The following CRHR1 variants were observed in gnomAD, a reference collection of about 807,000 sequenced individuals.
CRHR1 encodes corticotropin releasing hormone receptor 1.
In CRHR1, 28 loss-of-function variants were observed where a neutral mutation model predicts 56.0. The ratio of observed to expected loss-of-function variants is 0.50; its 90% confidence interval spans 0.37 to 0.69. The LOEUF (loss-of-function observed/expected upper bound fraction) is 0.69, where lower values mean the gene tolerates loss of function less well. CRHR1 is among the 30% of genes least tolerant of loss of function. CRHR1 has a pLI of 0.00. For synonymous variants in CRHR1, 195 were observed against 216.5 expected (o/e 0.90, Z 0.87); for missense variants, 376 against 548.0 (o/e 0.69, Z 3.13).
intron 1 of CRHR1, among the ~76,000 whole-genome samples, chr17:45,798,779 G>T (rs541778515): frequency 6.6e-6 from 1 of 152,186 alleles, no homozygotes; most frequent in African/African-American, 2.4e-5. Context: ...CGGGGCCCCA[G>T]GGAGAAAGGC....
At chr17:45,826,042 G>GCCA (rs902790195) in intron 4 of CRHR1, 1 of 152,366 alleles carries the variant, frequency 6.6e-6, no homozygotes, top group Admixed American at 6.5e-5. Context: ...ACCACGCTGT[G>GCCA]CCACCCTCCT....
chr17:45,802,926 T>C (rs2061650760), intron 1 of CRHR1, among the ~76,000 whole-genome samples: 1 of 152,244 alleles, frequency 6.6e-6, no homozygotes, highest in Non-Finnish European at 1.5e-5. Flanking sequence ...CTAAGTGCTT[T>C]GTGCCGAGGT....
intron 2 of CRHR1, among the ~76,000 whole-genome samples, chr17:45,808,319 T>C (rs1172454345): frequency 1.3e-5 from 2 of 152,220 alleles, no homozygotes; most frequent in Admixed American, 6.5e-5. Flanking sequence ...GGTAGCTGCT[T>C]CCTGGCCAGC....
chr17:45,794,148 G>A (rs755522693), intron 1 of CRHR1, among the ~76,000 whole-genome samples: 12 of 152,224 alleles, frequency 7.9e-5, no homozygotes, highest in Non-Finnish European at 1.3e-4. Context: ...CTGGCGTGTG[G>A]TCCTGCTGTG....
chr17:45,794,968 C>G (rs983410761), intron 1 of CRHR1, among the ~76,000 whole-genome samples: 6 of 152,198 alleles, frequency 3.9e-5, no homozygotes, highest in African/African-American at 4.8e-5. Flanking sequence ...TGTTCAAGCT[C>G]TTTCTGGGCT....
intron 2 of CRHR1, among the ~76,000 whole-genome samples, chr17:45,815,710 G>A (rs1419268173): frequency 6.6e-6 from 1 of 152,222 alleles, no homozygotes; most frequent in Non-Finnish European, 1.5e-5. Context: ...CCCAGAGAGG[G>A]CAAGTGACTT....
At chr17:45,823,067 C>T (rs2062078068) in intron 4 of CRHR1, among the ~76,000 whole-genome samples, 1 of 150,848 alleles carries the variant, frequency 6.6e-6, no homozygotes, top group Admixed American at 6.6e-5. Context: ...TCACTTGAAC[C>T]AGGGAGGCGG....
chr17:45,789,069 G>C (rs1173639609), intron 1 of CRHR1, among the ~76,000 whole-genome samples: 1 of 152,206 alleles, frequency 6.6e-6, no homozygotes, highest in Non-Finnish European at 1.5e-5. Flanking sequence ...AGAATCCCTT[G>C]AGGGTAGAGC....
chr17:45,833,402 G>A (rs762448604), intron 9 of CRHR1, 50 bp from the exon 10 acceptor site: 1 of 1,590,808 alleles, frequency 6.3e-7, no homozygotes, highest in East Asian at 2.2e-5. Context: ...GAGAAGCCTG[G>A]GTCCCAAGCC....
chr17:45,814,254 A>G (rs1163905153), intron 2 of CRHR1, among the ~76,000 whole-genome samples: 1 of 152,236 alleles, frequency 6.6e-6, no homozygotes, highest in Non-Finnish European at 1.5e-5. Flanking sequence ...TGAGGAAGGT[A>G]CAATGGTGCC....
chr17:45,818,053 C>T (rs2061964682), intron 3 of CRHR1, among the ~76,000 whole-genome samples: 1 of 152,178 alleles, frequency 6.6e-6, no homozygotes, highest in Non-Finnish European at 1.5e-5. Context: ...AGGAAGGAGG[C>T]AGCATCTGCA....
chr17:45,805,268 T>G (rs1488156906), intron 1 of CRHR1, among the ~76,000 whole-genome samples: 1 of 152,208 alleles, frequency 6.6e-6, no homozygotes, highest in Admixed American at 6.5e-5. Flanking sequence ...AAAATAATTA[T>G]GTTAAAATAT....
intron 3 of CRHR1, among the ~76,000 whole-genome samples, chr17:45,819,764 A>G (rs62057111): frequency 0.14 from 21,830 of 152,208 alleles, 2,139 homozygotes; most frequent in Middle Eastern, 0.22. Context: ...ATTTAGCCGG[A>G]TCTCCCACTG....
At chr17:45,798,085 T>A (rs1220734782) in intron 1 of CRHR1, among the ~76,000 whole-genome samples, 1 of 151,706 alleles carries the variant, frequency 6.6e-6, no homozygotes, top group East Asian at 2.0e-4. Flanking sequence ...CCCCCTACAA[T>A]CTCCTGCTGG....
intron 2 of CRHR1, among the ~76,000 whole-genome samples, chr17:45,811,912 A>G (rs1469729456): frequency 6.6e-6 from 1 of 152,186 alleles, no homozygotes. Context: ...CCATGAGGAC[A>G]GGGCATTTAT....
chr17:45,835,578 C>A lies in CRHR1; in HGVS notation c.*814C>A, dbSNP rs2062420337. The A allele has an allele frequency of 6.6e-6, 1 of 152,244 alleles. No homozygotes were observed. The allele number at this position is 152,244 out of a possible 1,614,324, so 9.4% of individuals were successfully genotyped here. ...CCCAGTCCCAGCCTCTGGGGCAGAGCTTGTAGCCCTGGATGGCCTCTGGGG... is the reference window on the plus strand; with the variant it reads ...CCCAGTCCCAGCCTCTGGGGCAGAGATTGTAGCCCTGGATGGCCTCTGGGG... On this transcript the variant is annotated 3_prime_UTR_variant, in exon 13 of 13. Coordinates refer to ENST00000314537, the MANE Select transcript of CRHR1 (RefSeq NM_004382.5).
At position 45,830,214 on chromosome 17, in the gene CRHR1, G is replaced by C. The variant is rs767612461; in HGVS notation, c.555G>C (p.Val185=). 3.7e-6 allele frequency: 6 copies of C among 1,613,944 alleles called. No homozygotes were observed. The highest frequency in any genetic ancestry group is 3.4e-6 in the Non-Finnish European group (4 of 1,180,006). Residue 185 remains valine (V), a splice_region_variant and synonymous_variant, in exon 6 of 13, where the codon GTG becomes GTC. Coordinates refer to ENST00000314537, the MANE Select transcript of CRHR1 (RefSeq NM_004382.5). ...TMSPEVHQSN[V]GWCRLVTAAY... Reference sequence around the variant, plus strand: ...GCCCCGAGGTCCACCAGAGCAACGTGGTACGTCCTGGCAGGGGAGCGGGGA... The same window carrying C: ...GCCCCGAGGTCCACCAGAGCAACGTCGTACGTCCTGGCAGGGGAGCGGGGA...
chr17:45,834,478 TGTGA>T (rs1314008838), intron 12 of CRHR1, 142 bp from the exon 13 acceptor site: 4 of 862,916 alleles, frequency 4.6e-6, no homozygotes, highest in African/African-American at 3.4e-5. Flanking sequence ...GTGTTAAGGC[TGTGA>T]GTGTCATCCC....
At chr17:45,833,693 T>TGGGGGGGGGGC in intron 10 of CRHR1, 21 bp from the exon 11 acceptor site, 36 of 1,571,554 alleles carry the variant, frequency 2.3e-5, no homozygotes, top group African/African-American at 2.7e-5. Flanking sequence ...ACTCCGAGCC[T>TGGGGGGGGGGC]CCCCACCCGC....
Sources: gnomAD v4.1 joint callset for allele counts (sites outside exome capture counted in the v4.1 genomes callset) on GRCh38, gnomAD v4.1.1 for gene constraint, MANE v1.5 for transcripts, NCBI Gene and HGNC (gene_info 2026-07-23, HGNC 2026-07-21) for gene names.